The following C9orf50 variants were observed in gnomAD, a reference collection of about 807,000 sequenced individuals.
C9orf50 encodes chromosome 9 open reading frame 50.
A neutral mutation model predicts 42.5 loss-of-function variants in C9orf50; 33 were observed. That is an observed-to-expected ratio of 0.78 (90% CI 0.59 to 1.04). C9orf50 has a LOEUF of 1.04. Among genes scored for constraint, C9orf50 ranks in the 50% least tolerant of loss-of-function variants. The pLI is 0.00. For synonymous variants in C9orf50, 257 were observed against 273.4 expected, an observed-to-expected ratio of 0.94 and a Z score of 0.59; for missense variants, 547 against 594.3, an observed-to-expected ratio of 0.92 and a Z score of 0.83.
chr9:129,612,766 G>A (rs1329885675), intron 6 of C9orf50, among the ~76,000 whole-genome samples: 2 of 152,092 alleles, frequency 1.3e-5, no homozygotes, highest in Admixed American at 6.5e-5. Context: ...CATTGCAGAG[G>A]TTGCAGTGAG....
upstream of C9orf50, among the ~76,000 whole-genome samples, chr9:129,621,064 A>T (rs77690740): frequency 2.9e-3 from 444 of 152,390 alleles, 15 homozygotes; most frequent in East Asian, 0.065. Context: ...GCCTCTCTGC[A>T]GCCGTGAAAC....
upstream of C9orf50, among the ~76,000 whole-genome samples, chr9:129,621,252 G>T (rs1050583787): frequency 2.6e-5 from 4 of 152,192 alleles, no homozygotes; most frequent in African/African-American, 9.7e-5. Context: ...GAGACCCCTG[G>T]GTGGGGAGCC....
At position 129,613,435 on chromosome 9, in the gene C9orf50, A is replaced by T; in HGVS notation, c.1043T>A (p.Leu348Gln). 6.2e-7 allele frequency: 1 copy of T among 1,613,412 alleles called. No individual in the cohort carries two copies. The highest frequency in any genetic ancestry group is 1.7e-4 in the Middle Eastern group (1 of 6,060). Residue 348 changes from leucine (L) to glutamine (Q), a missense_variant and splice_region_variant, in exon 5 of 7, where the codon CTG (leucine) becomes CAG (glutamine). Leu to Gln is a moderately radical substitution (Grantham distance 113). This residue lies in a region of C9orf50 where 334 missense variants were observed against 323.7 expected (regional missense o/e 1.03). Transcript: ENST00000372478. This position sits in a 1 kb window ranked among gnomAD's most constrained non-coding sequence, Gnocchi z 6.2. ...CCCATCCGCTTCCCTGGAGCCTCAC[A>T]GGCCAGCGCAGTCCCAACACGAGGA... is the stretch of plus-strand genomic sequence containing the variant.
exon 7 of C9orf50, chr9:129,612,319 G>A (rs1194897533): frequency 1.9e-6 from 3 of 1,584,944 alleles, no homozygotes; most frequent in Non-Finnish European, 1.7e-6. Flanking sequence ...TGGCCCATGT[G>A]TGCCCCTGGC....
chr9:129,619,479 C>G (rs746735438), intron 3 of C9orf50, 41 bp downstream of exon 3: 1 of 1,428,588 alleles, frequency 7.0e-7, no homozygotes, highest in Non-Finnish European at 9.7e-7. Context: ...AGAAATGCCC[C>G]TTTCCTCCAC....
Position 129,620,556 on chromosome 9 carries a change from G to C in C9orf50, c.19C>G (p.Arg7Gly), listed in dbSNP as rs781024658. ...GGCGCCAGGTCCTGGGCCCCTGGGC[G>C]AAGTCGACGCCAGAACATGCTTGGC... Residue 7 changes from arginine (R) to glycine (G), a missense_variant, in exon 1 of 7, where the codon CGC becomes GGC. Physicochemically the swap from Arg to Gly is moderately radical, Grantham distance 125. Transcript: ENST00000372478. This position sits in a 1 kb window ranked among gnomAD's most constrained non-coding sequence, Gnocchi z 5.8. The C allele has an allele frequency of 1.8e-5, 25 of 1,389,302 alleles. No individual in the cohort carries two copies. Among genetic ancestry groups the C allele is most frequent in the Non-Finnish European group, 2.2e-5 (24 of 1,068,730 alleles). 86.1% of individuals were successfully genotyped at this position (1,389,302 alleles called of 1,614,324 possible).
At chr9:129,618,673 T>G (rs987457475) in intron 3 of C9orf50, among the ~76,000 whole-genome samples, 8 of 151,834 alleles carry the variant, frequency 5.3e-5, no homozygotes, top group African/African-American at 1.9e-4. Flanking sequence ...GAGTTTTATT[T>G]TTTATTTATT....
At chr9:129,619,413 G>T in intron 3 of C9orf50, 107 bp downstream of exon 3, 1 of 797,374 alleles carries the variant, frequency 1.3e-6, no homozygotes, top group Non-Finnish European at 2.1e-6. Flanking sequence ...GGATGAATGG[G>T]TAGATAGGTG....
At position 129,614,856 on chromosome 9, in the gene C9orf50, C is replaced by T. The variant is rs533670498; in HGVS notation, c.880+628G>A. On this transcript the variant is annotated intron_variant, in intron 4 of 6. Transcript: ENST00000372478. The surrounding 1 kb of genome is among the most constrained non-coding windows in gnomAD (Gnocchi z 4.4). ...GGTGGAGCTTGCAGCGAGCCGAGAT[C>T]GCGCCACTGCACTCCAGCCTGGGCG... 1.3e-4 allele frequency among the ~76,000 whole-genome samples: 20 copies of T among 151,954 alleles called. No individual in the cohort carries two copies. Among genetic ancestry groups the T allele is most frequent in the African/African-American group, 3.9e-4 (16 of 41,396 alleles).
At chr9:129,619,910 A>T in intron 1 of C9orf50, 80 bp from the exon 2 acceptor site, 1 of 1,526,772 alleles carries the variant, frequency 6.5e-7, no homozygotes, top group African/African-American at 1.4e-5. Context: ...GTGATGGCAG[A>T]CCAGCCCTCA....
intron 3 of C9orf50, among the ~76,000 whole-genome samples, chr9:129,616,255 G>C (rs1233004243): frequency 6.6e-6 from 1 of 152,198 alleles, no homozygotes; most frequent in East Asian, 1.9e-4. Flanking sequence ...TCGCTCTGTG[G>C]CTCAGGCTGG....
chr9:129,613,910 G>A lies in C9orf50; in HGVS notation c.881-313C>T, dbSNP rs891750603. Among the ~76,000 whole-genome samples the A allele has an allele frequency of 3.9e-5, 6 of 152,216 alleles. No homozygotes were observed. The highest frequency in any genetic ancestry group is 1.3e-4 in the Admixed American group (2 of 15,286). On this transcript the variant is annotated intron_variant, in intron 4 of 6. Transcript: ENST00000372478. The surrounding 1 kb of genome is among the most constrained non-coding windows in gnomAD (Gnocchi z 6.2). ...AAATCCCAGAAACCATGCTGAGAGC[G>A]TTGAGGGCTTCAGGGAGGGCTGTCT... is the stretch of plus-strand genomic sequence containing the variant.
rs552824788 is a variant in C9orf50 at position 129,617,599 on chromosome 9, A to G, written c.716+1921T>C. On this transcript the variant is annotated intron_variant, in intron 3 of 6. Coordinates refer to ENST00000372478, the Ensembl canonical transcript of C9orf50. ...GAGAATGAATTCCATACTTTTATTTATTTGTATCTTGTGAGAAGTCATGTG... is the reference window on the plus strand; with the variant it reads ...GAGAATGAATTCCATACTTTTATTTGTTTGTATCTTGTGAGAAGTCATGTG... Among the ~76,000 whole-genome samples the G allele has an allele frequency of 8.9e-4, 135 of 152,238 alleles. 1 individual carries two copies. Among genetic ancestry groups the G allele is most frequent in the African/African-American group, 3.1e-3 (128 of 41,540 alleles).
At chr9:129,617,496 A>G (rs1311681577) in intron 3 of C9orf50, among the ~76,000 whole-genome samples, 3 of 152,194 alleles carry the variant, frequency 2.0e-5, no homozygotes, top group African/African-American at 7.2e-5. Flanking sequence ...AATCTCACAC[A>G]CAGTAAGGTG....
At chr9:129,612,717 A>C (rs1204518297) in intron 6 of C9orf50, among the ~76,000 whole-genome samples, 2 of 152,206 alleles carry the variant, frequency 1.3e-5, no homozygotes, top group African/African-American at 4.8e-5. Flanking sequence ...GTCTCTACCG[A>C]AAATACAAAA....
rs1389124734 is a variant in C9orf50 at position 129,620,265 on chromosome 9, G to C, written c.310C>G (p.Pro104Ala). ...CGGGACGCGCCGGCCGACAGCAGGG[G>C]AGGCGGCAGCAGGGACCGCAGCAGC... is the stretch of plus-strand genomic sequence containing the variant. Residue 104 changes from proline to alanine, a missense_variant, in exon 1 of 7, where the codon CCC becomes GCC. This residue lies in a region of C9orf50 where 108 missense variants were observed against 172.1 expected (regional missense o/e 0.63). Coordinates refer to ENST00000372478, the Ensembl canonical transcript of C9orf50. The surrounding 1 kb of genome is among the most constrained non-coding windows in gnomAD (Gnocchi z 5.8). The C allele has an allele frequency of 5.3e-6, 7 of 1,330,378 alleles. No individual in the cohort carries two copies. In the East Asian group the frequency reaches 2.1e-4, roughly 40 times the overall value. The allele number at this position is 1,330,378 out of a possible 1,614,324, so 82.4% of individuals were successfully genotyped here. A position where few individuals can be genotyped will look rare whatever the true frequency, so the allele number is the denominator to read the frequency against.
At chr9:129,612,974 C>T (rs559916616) in intron 6 of C9orf50, 133 bp downstream of exon 6, 1 of 1,156,852 alleles carries the variant, frequency 8.6e-7, no homozygotes, top group African/African-American at 1.5e-5. Flanking sequence ...ACTGCAAGCC[C>T]CCACGGTGAC....
chr9:129,615,508 G>A (rs776911121), exon 4 of C9orf50: 24 of 1,605,736 alleles, frequency 1.5e-5, no homozygotes, highest in African/African-American at 2.7e-5. Flanking sequence ...TCCCAGTAGC[G>A]GAGCGTTGTG....
At chr9:129,616,150 C>G (rs532141245) in intron 3 of C9orf50, among the ~76,000 whole-genome samples, 2 of 152,260 alleles carry the variant, frequency 1.3e-5, no homozygotes, top group South Asian at 4.1e-4. Context: ...GGAAATGGGC[C>G]GTACAAGCAT....
Sources: gnomAD v4.1 joint callset for allele counts (sites outside exome capture counted in the v4.1 genomes callset) on GRCh38, gnomAD v4.1.1 for gene constraint, gnomAD v4.1.1 regional missense constraint, Gnocchi (gnomAD v3.1) non-coding constraint, MANE v1.5 for transcripts, NCBI Gene and HGNC (gene_info 2026-07-23, HGNC 2026-07-21) for gene names.